MTRF1: variants seen among roughly 807,000 people sequenced by gnomAD.
The protein encoded by MTRF1 is peptide chain release factor 1, mitochondrial.
In MTRF1, 51 loss-of-function variants were observed where a neutral mutation model predicts 62.9. The ratio of observed to expected loss-of-function variants is 0.81; its 90% CI spans 0.65 to 1.02. The LOEUF (loss-of-function observed/expected upper bound fraction) is 1.02, where lower values mean the gene tolerates loss of function less well. Ranked by LOEUF, MTRF1 falls within the 50% of genes least tolerant of loss-of-function variation. The pLI is 0.00. For missense variants in MTRF1, 446 were observed against 530.0 expected (o/e 0.84, Z 1.56); for synonymous variants, 158 against 181.9 (o/e 0.87, Z 1.06).
At position 41,240,689 on chromosome 13, in the gene MTRF1, G is replaced by A. The variant is rs554179879; in HGVS notation, c.698-256C>T. 4.6e-5 allele frequency among the ~76,000 whole-genome samples: 7 copies of A among 152,282 alleles called. No homozygotes were observed. The East Asian group carries it at 5.8e-4, about 13-fold the overall frequency. On this transcript the variant is annotated intron_variant, in intron 5 of 9. Coordinates refer to ENST00000379480, the MANE Select transcript of MTRF1 (RefSeq NM_004294.4). ...AATGTAATTAATTATAGGAGCTAGTGATGCAACAATAGGAAACATACCAAA... is the reference window on the plus strand; with the variant it reads ...AATGTAATTAATTATAGGAGCTAGTAATGCAACAATAGGAAACATACCAAA...
chr13:41,302,277 G>A, the MTRF1 span, among the ~76,000 whole-genome samples: 5 of 152,090 alleles, frequency 3.3e-5, no homozygotes, highest in East Asian at 1.9e-4. Context: ...TGAGCCACCC[G>A]CCTCGGCCTT....
chr13:41,219,149 G>C lies in MTRF1; in HGVS notation c.1225-1921C>G, dbSNP rs1309025758. Among the ~76,000 whole-genome samples, 399 of 146,670 alleles carry C rather than the reference G, an allele frequency of 2.7e-3. 2 individuals carry two copies. Among genetic ancestry groups the C allele is most frequent in the African/African-American group, 9.7e-3 (389 of 40,010 alleles). On this transcript the variant is annotated intron_variant, in intron 9 of 9. Coordinates refer to ENST00000379480, the MANE Select transcript of MTRF1 (RefSeq NM_004294.4). ...CTACTAAAAATACAAAAATTAGCCA[G>C]GCGTGGTGGTGTGTGCCTGTAGTCC...
intron 2 of MTRF1, among the ~76,000 whole-genome samples, chr13:41,259,277 C>T (rs1387273028): frequency 1.3e-5 from 2 of 152,154 alleles, no homozygotes; most frequent in Non-Finnish European, 2.9e-5. Context: ...ACAACTTGTA[C>T]ACAAAAGTTC....
the MTRF1 span, among the ~76,000 whole-genome samples, chr13:41,289,723 A>G: frequency 2.6e-5 from 4 of 152,232 alleles, no homozygotes; most frequent in Admixed American, 1.3e-4. Context: ...TCTGACAAGT[A>G]TGCTCAGCAA....
At chr13:41,232,141 C>T (rs560517618) in intron 7 of MTRF1, among the ~76,000 whole-genome samples, 1 of 151,974 alleles carries the variant, frequency 6.6e-6, no homozygotes, top group South Asian at 2.1e-4. Context: ...AGAGACACTG[C>T]AGAAAGCAGA....
At chr13:41,268,773 G>C in the MTRF1 span, among the ~76,000 whole-genome samples, 1 of 152,042 alleles carries the variant, frequency 6.6e-6, no homozygotes, top group Non-Finnish European at 1.5e-5. Flanking sequence ...ATAATCTCCT[G>C]TAATTTATTG....
intron 5 of MTRF1, among the ~76,000 whole-genome samples, chr13:41,247,723 T>C (rs545976789): frequency 6.6e-6 from 1 of 152,196 alleles, no homozygotes. Flanking sequence ...CCCACCATAA[T>C]AGCCTTTGCT....
the MTRF1 span, among the ~76,000 whole-genome samples, chr13:41,309,825 C>T: frequency 5.9e-5 from 9 of 152,038 alleles, no homozygotes; most frequent in African/African-American, 1.9e-4. Flanking sequence ...GGAGAAACCC[C>T]GTCTCTACTA....
the MTRF1 span, among the ~76,000 whole-genome samples, chr13:41,299,873 GA>G: frequency 2.0e-5 from 3 of 152,238 alleles, no homozygotes; most frequent in East Asian, 5.8e-4. Flanking sequence ...TCTGTGGTCA[GA>G]AAAATCACTA....
chr13:41,303,632 C>T, the MTRF1 span, among the ~76,000 whole-genome samples: 1 of 152,154 alleles, frequency 6.6e-6, no homozygotes, highest in African/African-American at 2.4e-5. Flanking sequence ...ACCAGAGCTA[C>T]TCCATCTTGA....
At chr13:41,266,996 C>CAAAAAAAA (rs59609555), upstream of MTRF1, among the ~76,000 whole-genome samples, 3 of 81,212 alleles carry the variant, frequency 3.7e-5, no homozygotes, top group East Asian at 3.8e-4. Context: ...GACTCTGTCT[C>CAAAAAAAA]AAAAAAAAAA....
At chr13:41,235,422 T>C (rs2036325573) in intron 6 of MTRF1, 1 of 152,242 alleles carries the variant, frequency 6.6e-6, no homozygotes, top group South Asian at 2.1e-4. Flanking sequence ...TGTGTGTTTA[T>C]TAGTGATTGA....
chr13:41,273,056 G>A, the MTRF1 span, among the ~76,000 whole-genome samples: 3 of 152,236 alleles, frequency 2.0e-5, no homozygotes, highest in South Asian at 4.2e-4. Context: ...GCTGGGCATG[G>A]TGGCTCACGT....
the MTRF1 span, among the ~76,000 whole-genome samples, chr13:41,307,565 T>TG: frequency 6.6e-6 from 1 of 151,230 alleles, no homozygotes; most frequent in Non-Finnish European, 1.5e-5. Context: ...TTGCAGTGAC[T>TG]GAGATCATGC....
the MTRF1 span, among the ~76,000 whole-genome samples, chr13:41,298,510 G>T: frequency 6.6e-6 from 1 of 152,144 alleles, no homozygotes; most frequent in Non-Finnish European, 1.5e-5. Context: ...CAAAGCTTTG[G>T]CAGTATTGTA....
rs1023237290 is a variant in MTRF1 at position 41,260,814 on chromosome 13, G to C, written c.94C>G (p.Gln32Glu). 1.2e-6 allele frequency: 2 copies of C among 1,613,968 alleles called. No individual in the cohort carries two copies. The highest frequency in any genetic ancestry group is 1.7e-6 in the Non-Finnish European group (2 of 1,180,002). Residue 32 changes from glutamine to glutamate, a missense_variant, in exon 2 of 10, where the codon CAG (glutamine) becomes GAG (glutamate). Transcript: ENST00000379480. ...TGCAGCCTTGTATCAAGATGTATCT[G>C]TCTAAATTGATGAGAATGGAGCTGG... ...HIQLHSHQFRQIHLDTRLQVF... is the reference protein window; with the variant it reads ...HIQLHSHQFREIHLDTRLQVF...
upstream of MTRF1, among the ~76,000 whole-genome samples, chr13:41,265,160 C>T (rs542475751): frequency 1.4e-4 from 22 of 152,196 alleles, no homozygotes; most frequent in African/African-American, 3.9e-4. Flanking sequence ...TGGTGGTTCA[C>T]GCCTGTAATC....
the MTRF1 span, among the ~76,000 whole-genome samples, chr13:41,307,970 G>C: frequency 6.6e-6 from 1 of 152,066 alleles, no homozygotes; most frequent in Non-Finnish European, 1.5e-5. Context: ...CTAGTATTTG[G>C]GATTGCAGAT....
At chr13:41,244,389 G>A (rs2037957381) in intron 5 of MTRF1, among the ~76,000 whole-genome samples, 1 of 152,162 alleles carries the variant, frequency 6.6e-6, no homozygotes, top group Non-Finnish European at 1.5e-5. Flanking sequence ...ATGTCTTAGT[G>A]TTGGTCGTTC....
Sources: allele counts gnomAD v4.1 joint callset (sites outside exome capture counted in the v4.1 genomes callset), GRCh38; gene constraint gnomAD v4.1.1; transcripts MANE v1.5; gene names NCBI Gene and HGNC (gene_info 2026-07-23, HGNC 2026-07-21).